The following DNAJC16 variants were observed in gnomAD, a reference collection of about 807,000 sequenced individuals.
DNAJC16 encodes dnaJ homolog subfamily C member 16.
DNAJC16 carries 76 observed loss-of-function variants against 92.7 expected under a neutral mutation model. That is an observed-to-expected ratio of 0.82 (90% CI 0.68 to 0.99). The LOEUF (loss-of-function observed/expected upper bound fraction) is 0.99, where lower values mean the gene tolerates loss of function less well. DNAJC16 is among the 50% of genes least tolerant of loss of function. The probability of loss-of-function intolerance (pLI) is 0.00; values close to 1 mark genes in which losing one functional copy is unlikely to be tolerated. For missense variants in DNAJC16, 869 were observed against 942.4 expected (o/e 0.92, Z 1.02); for synonymous variants, 328 against 358.7 (o/e 0.91, Z 0.97).
chr1:15,560,076 A>C (rs1638657704), intron 8 of DNAJC16: 2 of 154,018 alleles, frequency 1.3e-5, no homozygotes, highest in Non-Finnish European at 1.4e-5. Flanking sequence ...AAAAAAAAAA[A>C]AAAAAAACAC....
At chr1:15,553,656 A>G (rs1023047207) in intron 7 of DNAJC16, among the ~76,000 whole-genome samples, 45 of 152,220 alleles carry the variant, frequency 3.0e-4, no homozygotes, top group African/African-American at 1.1e-3. Context: ...GAACACATCC[A>G]TGTTAGCTTC....
At position 15,567,977 on chromosome 1, in the gene DNAJC16, G is replaced by T; in HGVS notation, c.2149G>T (p.Val717Phe). The T allele has an allele frequency of 6.2e-7, 1 of 1,614,234 alleles. No homozygotes were observed. The highest frequency in any genetic ancestry group is 2.2e-5 in the East Asian group (1 of 44,894). Residue 717 changes from valine (V) to phenylalanine (F), a missense_variant, in exon 15 of 15, where the codon GTC becomes TTC. By Grantham distance (50) the Val-to-Phe change is conservative. Coordinates refer to ENST00000375847, the MANE Select transcript of DNAJC16 (RefSeq NM_015291.4). ...YFCLFKPQKT[V>F]EEEEAIGSCS... Reference sequence around the variant, plus strand: ...CTGCCTCTTCAAGCCCCAAAAGACAGTCGAAGAGGAGGAAGCCATAGGGTC... The same window carrying T: ...CTGCCTCTTCAAGCCCCAAAAGACATTCGAAGAGGAGGAAGCCATAGGGTC...
rs1248973655 is a variant in DNAJC16 at position 15,564,425 on chromosome 1, A to G, written c.1598+66A>G. The stretch of plus-strand genomic sequence containing the variant: ...TACTGATATCACTGTTTTTCTTTTG[A>G]AAAGAGTTCATCATTATTAAATTTC... On this transcript the variant is annotated intron_variant, in intron 11 of 14. Coordinates refer to ENST00000375847, the MANE Select transcript of DNAJC16 (RefSeq NM_015291.4). The G allele has an allele frequency of 6.5e-5, 68 of 1,045,226 alleles. No homozygotes were observed. In the East Asian group the frequency reaches 1.6e-3, roughly 24 times the overall value. The allele number at this position is 1,045,226 out of a possible 1,614,324, so 64.7% of individuals were successfully genotyped here.
At chr1:15,543,713 A>C (rs1171235024) in intron 4 of DNAJC16, among the ~76,000 whole-genome samples, 2 of 152,200 alleles carry the variant, frequency 1.3e-5, no homozygotes, top group Admixed American at 1.3e-4. Context: ...GATAATGATG[A>C]CTCAGAGCAG....
intron 7 of DNAJC16, among the ~76,000 whole-genome samples, chr1:15,555,973 A>G (rs1638560828): frequency 6.7e-6 from 1 of 148,948 alleles, no homozygotes; most frequent in South Asian, 2.1e-4. Flanking sequence ...CCTGGGCAAC[A>G]AGAGCGAAAC....
intron 4 of DNAJC16, among the ~76,000 whole-genome samples, chr1:15,543,706 A>G (rs1344105336): frequency 1.3e-5 from 2 of 152,204 alleles, no homozygotes; most frequent in Non-Finnish European, 2.9e-5. Context: ...CAGGAGAGAT[A>G]ATGATGACTC....
chr1:15,537,900 C>T (rs573363227), intron 4 of DNAJC16, among the ~76,000 whole-genome samples: 1 of 152,296 alleles, frequency 6.6e-6, no homozygotes, highest in South Asian at 2.1e-4. Context: ...AATCATGGTC[C>T]TTGTGCCCAG....
chr1:15,564,235 T>C, intron 10 of DNAJC16, 48 bp from the exon 11 acceptor site: 1 of 1,528,768 alleles, frequency 6.5e-7, no homozygotes, highest in Non-Finnish European at 9.1e-7. Context: ...AGAGGGACTC[T>C]CCCTTCCGGC....
At position 15,546,630 on chromosome 1, in the gene DNAJC16, C is replaced by T. The variant is rs140554217; in HGVS notation, c.760-137C>T. On this transcript the variant is annotated intron_variant, in intron 5 of 14. Transcript: ENST00000375847. ...TTTAATAGCTTTAGCCAAATGAAGA[C>T]AAAAAGATTAGTTATCTGCATTTTT... 81 of 640,720 alleles carry T rather than the reference C, an allele frequency of 1.3e-4. No individual in the cohort carries two copies. The African/African-American group carries it at 1.4e-3, about 11-fold the overall frequency. The allele number at this position is 640,720 out of a possible 1,614,324, so 39.7% of individuals were successfully genotyped here.
At chr1:15,533,942 G>T (rs1229197201) in intron 2 of DNAJC16, among the ~76,000 whole-genome samples, 2 of 152,192 alleles carry the variant, frequency 1.3e-5, no homozygotes, top group Non-Finnish European at 2.9e-5. Context: ...CAGTGTTTGG[G>T]AGCAGTGTAC....
At chr1:15,535,923 C>T (rs1426509697) in intron 3 of DNAJC16, among the ~76,000 whole-genome samples, 1 of 150,946 alleles carries the variant, frequency 6.6e-6, no homozygotes, top group Non-Finnish European at 1.5e-5. Context: ...CACCACCATG[C>T]CTGGCCGATT....
chr1:15,551,074 T>A (rs1483661901), intron 7 of DNAJC16, among the ~76,000 whole-genome samples: 3 of 152,322 alleles, frequency 2.0e-5, no homozygotes, highest in Non-Finnish European at 4.4e-5. Context: ...TTCACCATGT[T>A]GGCCAGGCTG....
chr1:15,559,646 C>A lies in DNAJC16; in HGVS notation c.1144C>A (p.Arg382=), dbSNP rs148404423. The A allele has an allele frequency of 1.9e-6, 3 of 1,613,872 alleles. No individual in the cohort carries two copies. The highest frequency in any genetic ancestry group is 3.3e-5 in the Admixed American group (2 of 59,954). Reference sequence around the variant, plus strand: ...ACTCTGCCCTGTGAAACGGTCGCATCGACAGAGGAAGTAAGGACTTAAGGC... The same window carrying A: ...ACTCTGCCCTGTGAAACGGTCGCATAGACAGAGGAAGTAAGGACTTAAGGC... ...HELCPVKRSH[R]QRKYCVVLLT... Residue 382 remains arginine (R), a synonymous_variant, in exon 8 of 15, where the codon CGA becomes AGA. Transcript: ENST00000375847.
In DNAJC16 at chr1:15,567,160, A is replaced by G; in HGVS notation, c.1840A>G (p.Asn614Asp). Reference protein sequence around the residue: ...TELTDVTYTSNLVRLRPGHMN... With the variant: ...TELTDVTYTSDLVRLRPGHMN... ...ACTCACAGATGTAACATACACCAGT[A>G]ACTTGGTACGTCTGAGGCCAGGCCA... The change falls in exon 14 of 15, where the codon AAC (asparagine) becomes GAC (aspartate). Residue 614 changes from asparagine (N) to aspartate (D), a missense_variant. Coordinates refer to ENST00000375847, the MANE Select transcript of DNAJC16 (RefSeq NM_015291.4). 6.2e-7 allele frequency: 1 copy of G among 1,614,162 alleles called. No homozygotes were observed. Among genetic ancestry groups the G allele is most frequent in the Admixed American group, 1.7e-5 (1 of 60,024 alleles).
intron 7 of DNAJC16, among the ~76,000 whole-genome samples, chr1:15,551,194 G>C (rs1285193167): frequency 6.6e-6 from 1 of 152,240 alleles, no homozygotes; most frequent in Admixed American, 6.5e-5. Context: ...TGATGAAGCA[G>C]TAAGAAGTGT....
At chr1:15,541,809 A>G (rs983843280) in intron 4 of DNAJC16, among the ~76,000 whole-genome samples, 1 of 152,174 alleles carries the variant, frequency 6.6e-6, no homozygotes, top group Admixed American at 6.5e-5. Flanking sequence ...TAAGAAATAT[A>G]TGTATATTTT....
At position 15,529,279 on chromosome 1, in the gene DNAJC16, GAAAC is replaced by G. The variant is rs1557566162; in HGVS notation, c.167+11_167+14del. 6.2e-7 allele frequency: 1 copy of G among 1,604,276 alleles called. No individual in the cohort carries two copies. The highest frequency in any genetic ancestry group is 1.7e-5 in the Admixed American group (1 of 59,308). ...AGAAGCTCGCCCGGGAATGGTAGGT[GAAAC>G]AAAGAAATAGAGGTTTAACATAAGC... On this transcript the variant is annotated splice_region_variant and intron_variant, in intron 2 of 14. Coordinates refer to ENST00000375847, the MANE Select transcript of DNAJC16 (RefSeq NM_015291.4).
intron 4 of DNAJC16, among the ~76,000 whole-genome samples, chr1:15,540,979 G>A (rs552264238): frequency 6.6e-6 from 1 of 152,272 alleles, no homozygotes; most frequent in South Asian, 2.1e-4. Context: ...AGGCTTTGTG[G>A]TCAGCTAGAA....
chr1:15,560,599 A>G (rs969594661), intron 8 of DNAJC16, among the ~76,000 whole-genome samples: 2 of 152,226 alleles, frequency 1.3e-5, no homozygotes, highest in South Asian at 4.1e-4. Context: ...AAAACATATC[A>G]ATCATGTAAC....
Sources: allele counts gnomAD v4.1 joint callset (sites outside exome capture counted in the v4.1 genomes callset), GRCh38; gene constraint gnomAD v4.1.1; transcripts MANE v1.5; gene names NCBI Gene and HGNC (gene_info 2026-07-23, HGNC 2026-07-21).